Variants in IL23R observed in about 807,000 individuals in gnomAD.
The protein encoded by IL23R is interleukin-23 receptor.
A neutral mutation model predicts 56.9 loss-of-function variants in IL23R; 34 were observed. The ratio of observed to expected loss-of-function variants is 0.60; its 90% CI spans 0.45 to 0.80. IL23R has a LOEUF of 0.80. Ranked by LOEUF, IL23R falls within the 30% of genes least tolerant of loss-of-function variation. The pLI is 0.00. For missense variants in IL23R, 635 were observed against 730.0 expected (o/e 0.87, Z 1.50); for synonymous variants, 230 against 249.2 (o/e 0.92, Z 0.73).
downstream of IL23R, among the ~76,000 whole-genome samples, chr1:67,263,181 C>A (rs1321573024): frequency 6.0e-5 from 4 of 66,210 alleles, no homozygotes; most frequent in Admixed American, 4.0e-4. Flanking sequence ...ACAGCCTCAA[C>A]CTCCCAGGCC....
At chr1:67,243,161 T>C (rs768178058) in intron 9 of IL23R, among the ~76,000 whole-genome samples, 4 of 152,228 alleles carry the variant, frequency 2.6e-5, no homozygotes, top group East Asian at 1.9e-4. Context: ...AATGGACTTA[T>C]GTCCTCTTGA....
chr1:67,168,253 C>A, intron 2 of IL23R, 63 bp downstream of exon 2: 1 of 1,158,208 alleles, frequency 8.6e-7, no homozygotes, highest in Non-Finnish European at 1.3e-6. Context: ...GAGTGATTAT[C>A]ATTTTCATGG....
chr1:67,158,111 G>A (rs1049204938), intron 1 of IL23R, among the ~76,000 whole-genome samples: 7 of 152,114 alleles, frequency 4.6e-5, no homozygotes, highest in African/African-American at 1.7e-4. Context: ...AGCTACCTGG[G>A]AGGCTGAGGA....
chr1:67,157,916 T>C (rs2102540250), intron 1 of IL23R, among the ~76,000 whole-genome samples: 1 of 152,310 alleles, frequency 6.6e-6, no homozygotes, highest in East Asian at 1.9e-4. Flanking sequence ...TATTACACAC[T>C]CAAGAAATAT....
At chr1:67,203,872 A>G (rs1412784649) in intron 5 of IL23R, among the ~76,000 whole-genome samples, 1 of 152,210 alleles carries the variant, frequency 6.6e-6, no homozygotes, top group African/African-American at 2.4e-5. Context: ...GAATGCTTTT[A>G]ACTTCTCTTG....
Position 67,182,888 on chromosome 1 carries a change from C to T in IL23R, c.420C>T (p.Gly140=), listed in dbSNP as rs776289040. ...CCTGTGTCATTTATGAATATTCAGGCAACATGACTTGCACCTGGAATGCTG... is the reference window on the plus strand; with the variant it reads ...CCTGTGTCATTTATGAATATTCAGGTAACATGACTTGCACCTGGAATGCTG... ...EVTCVIYEYS[G]NMTCTWNAGK... is the part of the protein sequence containing the mutation. The change falls in exon 4 of 11, where the codon GGC becomes GGT. Residue 140 remains glycine (G), a synonymous_variant. Transcript: ENST00000347310. 13 of 1,613,894 alleles carry T rather than the reference C, an allele frequency of 8.1e-6. No homozygotes were observed. In the South Asian group the frequency reaches 1.4e-4, roughly 18 times the overall value.
At chr1:67,218,915 T>G (rs1650049874) in intron 6 of IL23R, among the ~76,000 whole-genome samples, 1 of 145,026 alleles carries the variant, frequency 6.9e-6, no homozygotes, top group South Asian at 2.5e-4. Context: ...GGCAACAGAG[T>G]GGGACCCTAT....
intron 4 of IL23R, among the ~76,000 whole-genome samples, chr1:67,186,208 C>A (rs573599945): frequency 6.6e-6 from 1 of 152,210 alleles, no homozygotes; most frequent in Non-Finnish European, 1.5e-5. Context: ...ACAGAAAAAC[C>A]AGGCAGTGCC....
chr1:67,261,274 A>G (rs183397731), downstream of IL23R, among the ~76,000 whole-genome samples: 113 of 151,362 alleles, frequency 7.5e-4, no homozygotes, highest in Non-Finnish European at 1.2e-3. Context: ...GTCACTCAAG[A>G]CTACTTAATG....
chr1:67,164,746 C>A (rs1164014975), upstream of IL23R, among the ~76,000 whole-genome samples: 1 of 152,126 alleles, frequency 6.6e-6, no homozygotes, highest in East Asian at 1.9e-4. Flanking sequence ...CAATTCTCCA[C>A]ACAGTGTTGG....
chr1:67,221,809 T>C (rs1650269917), intron 7 of IL23R, among the ~76,000 whole-genome samples: 1 of 152,142 alleles, frequency 6.6e-6, no homozygotes, highest in Non-Finnish European at 1.5e-5. Flanking sequence ...GGCTGCCAAA[T>C]TAGTAGAGGG....
rs1401435441 is a variant in IL23R, at chr1:67,219,614, C to A, written c.839C>A (p.Ser280Ter). The change falls in exon 7 of 11, where the codon TCA (serine) becomes TAA (stop). Residue 280 changes from serine (S) to a stop codon, truncating the protein, a stop_gained. Coordinates refer to ENST00000347310, the MANE Select transcript of IL23R (RefSeq NM_144701.3). LOFTEE classifies it high-confidence loss of function. ...FDTNFTYVQQ[S>*]EFYLEPNIKY... ...ACCAATTTTACATATGTGCAACAGT[C>A]AGAATTCTACTTGGAGCCAAACATT... 1 of 1,613,866 alleles carries A rather than the reference C, an allele frequency of 6.2e-7. No individual in the cohort carries two copies. The highest frequency in any genetic ancestry group is 8.5e-7 in the Non-Finnish European group (1 of 1,179,924).
intron 4 of IL23R, among the ~76,000 whole-genome samples, chr1:67,197,109 A>C (rs1648215003): frequency 6.6e-6 from 1 of 152,196 alleles, no homozygotes; most frequent in African/African-American, 2.4e-5. Context: ...AATGTGAGTG[A>C]ACTCAGAGAG....
rs767807981 is a variant in IL23R at position 67,168,174 on chromosome 1, C to T, written c.54C>T (p.Phe18=). ...CAGTAATAGCCCTTTACATACTCTTCAGCTGGTGTCATGGAGGTATGGTGT... is the reference window on the plus strand; with the variant it reads ...CAGTAATAGCCCTTTACATACTCTTTAGCTGGTGTCATGGAGGTATGGTGT... ...WDAVIALYIL[F]SWCHGGITNI... Residue 18 remains phenylalanine (F), a synonymous_variant, in exon 2 of 11, where the codon TTC becomes TTT. Transcript: ENST00000347310. 2.5e-6 allele frequency: 4 copies of T among 1,608,592 alleles called. No homozygotes were observed. The highest frequency in any genetic ancestry group is 3.4e-6 in the Non-Finnish European group (4 of 1,175,248).
chr1:67,218,971 A>AC (rs1491536215), intron 6 of IL23R, among the ~76,000 whole-genome samples: 1 of 151,326 alleles, frequency 6.6e-6, no homozygotes, highest in Non-Finnish European at 1.5e-5. Flanking sequence ...ACACACACAC[A>AC]TATAAATAAA....
rs527468134 is a variant in IL23R at position 67,186,356 on chromosome 1, T to C, written c.491+3397T>C. Among the ~76,000 whole-genome samples, 11 of 152,310 alleles carry C rather than the reference T, an allele frequency of 7.2e-5. No homozygotes were observed. The South Asian group carries it at 1.0e-3, about 14-fold the overall frequency. On this transcript the variant is annotated intron_variant, in intron 4 of 10. Coordinates refer to ENST00000347310, the MANE Select transcript of IL23R (RefSeq NM_144701.3). ...TTTTAATATAACCCTTTATTAAGTA[T>C]AATTCATCTACCATACAATTCACCT...
In IL23R at chr1:67,188,895, G is replaced by A. The variant is rs1028429269; in HGVS notation, c.491+5936G>A. 4.6e-5 allele frequency among the ~76,000 whole-genome samples: 7 copies of A among 152,178 alleles called. No individual in the cohort carries two copies. The East Asian group carries it at 1.2e-3, about 25-fold the overall frequency. ...TTAATACTATTACATTGGGGTTTAA[G>A]TTTCAACATGTAAATTTTGAGGGTA... is the stretch of plus-strand genomic sequence containing the variant. On this transcript the variant is annotated intron_variant, in intron 4 of 10. Transcript: ENST00000347310.
chr1:67,197,887 G>A (rs1558238763), intron 4 of IL23R, among the ~76,000 whole-genome samples: 1 of 151,860 alleles, frequency 6.6e-6, no homozygotes. Context: ...AGTGAGCTGT[G>A]GCCATACCAC....
upstream of IL23R, among the ~76,000 whole-genome samples, chr1:67,163,062 G>A (rs1646836838): frequency 6.6e-6 from 1 of 152,128 alleles, no homozygotes; most frequent in South Asian, 2.1e-4. Context: ...ACACCTCACA[G>A]GAAATGGTGA....
Sources: gnomAD v4.1 joint callset for allele counts (sites outside exome capture counted in the v4.1 genomes callset) on GRCh38, gnomAD v4.1.1 for gene constraint, MANE v1.5 for transcripts, NCBI Gene and HGNC (gene_info 2026-07-23, HGNC 2026-07-21) for gene names.